The following VGLL4 variants were observed in gnomAD, a reference collection of about 807,000 sequenced individuals.
VGLL4 encodes the protein transcription cofactor vestigial-like protein 4.
VGLL4 carries 7 observed loss-of-function variants against 21.0 expected under a neutral mutation model. The observed-to-expected ratio is 0.33, with a 90% confidence interval of 0.19 to 0.63. The LOEUF (loss-of-function observed/expected upper bound fraction) is 0.63. VGLL4 is among the 20% of genes least tolerant of loss of function. VGLL4 has a pLI of 0.78. For synonymous variants in VGLL4, 222 were observed against 173.2 expected, an observed-to-expected ratio of 1.28 and a Z score of -2.21; for missense variants, 394 against 425.7, an observed-to-expected ratio of 0.93 and a Z score of 0.66.
At chr3:11,629,417 A>T (rs577561167) in intron 1 of VGLL4, among the ~76,000 whole-genome samples, 1 of 152,044 alleles carries the variant, frequency 6.6e-6, no homozygotes, top group Admixed American at 6.6e-5. Context: ...TCCAGGTAAA[A>T]TTTCATAAAA....
At chr3:11,605,974 T>A (rs1559895495) in intron 1 of VGLL4, among the ~76,000 whole-genome samples, 1 of 152,230 alleles carries the variant, frequency 6.6e-6, no homozygotes, top group Non-Finnish European at 1.5e-5. Flanking sequence ...GGAAAGATGT[T>A]GTATTAGTCT....
In VGLL4 at chr3:11,653,975, C is replaced by A. The variant is rs1354780107; in HGVS notation, c.64+48996G>T. 2.0e-5 allele frequency among the ~76,000 whole-genome samples: 3 copies of A among 152,158 alleles called. No individual in the cohort carries two copies. Among genetic ancestry groups the A allele is most frequent in the East Asian group, 3.8e-4 (2 of 5,202 alleles). On this transcript the variant is annotated intron_variant, in intron 2 of 5. Transcript: ENST00000273038. This position sits in a 1 kb window ranked among gnomAD's most constrained non-coding sequence, Gnocchi z 4.2. Reference sequence around the variant, plus strand: ...TCAACCAAGGAGATTCTGCCCTCCTCAGGAGACATCTGGCAATGTCTGGTT... The same window carrying A: ...TCAACCAAGGAGATTCTGCCCTCCTAAGGAGACATCTGGCAATGTCTGGTT...
intron 2 of VGLL4, among the ~76,000 whole-genome samples, chr3:11,592,179 C>A (rs2074516411): frequency 6.6e-6 from 1 of 152,240 alleles, no homozygotes. Context: ...AAACACATGT[C>A]TTCAAATACT....
chr3:11,651,498 C>A (rs1031631781), intron 2 of VGLL4, among the ~76,000 whole-genome samples: 1 of 151,392 alleles, frequency 6.6e-6, no homozygotes, highest in Non-Finnish European at 1.5e-5. Flanking sequence ...ACCAACCCCC[C>A]GCCCCCACCA....
intron 2 of VGLL4, chr3:11,671,405 C>T (rs1275346839): frequency 1.2e-6 from 1 of 825,212 alleles, no homozygotes; most frequent in Non-Finnish European, 2.1e-6. Flanking sequence ...CTGTGGGCCA[C>T]ATGTAAGTAA....
At chr3:11,572,736 A>G (rs563495694) in intron 2 of VGLL4, among the ~76,000 whole-genome samples, 1 of 152,142 alleles carries the variant, frequency 6.6e-6, no homozygotes, top group African/African-American at 2.4e-5. Flanking sequence ...AGCTCTACCC[A>G]TGTTCCAACA....
intron 2 of VGLL4, among the ~76,000 whole-genome samples, chr3:11,572,779 C>T (rs2073827021): frequency 6.6e-6 from 1 of 152,192 alleles, no homozygotes; most frequent in Non-Finnish European, 1.5e-5. Context: ...TATTTGCCTG[C>T]TCTGTGGTAT....
At chr3:11,578,347 C>T (rs907300783) in intron 2 of VGLL4, among the ~76,000 whole-genome samples, 4 of 152,152 alleles carry the variant, frequency 2.6e-5, no homozygotes, top group African/African-American at 7.2e-5. Flanking sequence ...TTCCTTTCTG[C>T]GTCACGTGGT....
At chr3:11,655,333 T>A (rs1251963975) in intron 2 of VGLL4, among the ~76,000 whole-genome samples, 1 of 152,140 alleles carries the variant, frequency 6.6e-6, no homozygotes, top group African/African-American at 2.4e-5. Flanking sequence ...CCTGGCTGCT[T>A]TTCATACCCA....
At chr3:11,670,668 C>T (rs1290955719) in intron 2 of VGLL4, among the ~76,000 whole-genome samples, 1 of 152,062 alleles carries the variant, frequency 6.6e-6, no homozygotes, top group African/African-American at 2.4e-5. Context: ...TACTGACTTC[C>T]CATACTGTCT....
chr3:11,673,174 C>T (rs939323859), intron 2 of VGLL4, among the ~76,000 whole-genome samples: 8 of 152,034 alleles, frequency 5.3e-5, no homozygotes, highest in Non-Finnish European at 8.8e-5. Context: ...AAGCTACTAA[C>T]GTGGAAGATA....
upstream of VGLL4, among the ~76,000 whole-genome samples, chr3:11,644,571 G>T (rs991560949): frequency 3.3e-5 from 5 of 152,056 alleles, no homozygotes; most frequent in Admixed American, 3.3e-4. Flanking sequence ...TTAAAAAAAC[G>T]AGGGGGCCGG....
chr3:11,679,119 C>T (rs1192894046), intron 2 of VGLL4, among the ~76,000 whole-genome samples: 1 of 152,158 alleles, frequency 6.6e-6, no homozygotes, highest in Non-Finnish European at 1.5e-5. Context: ...GGGTACACTC[C>T]TTCTACTTAC....
chr3:11,703,460 G>T (rs924127683), intron 1 of VGLL4, among the ~76,000 whole-genome samples: 2 of 152,126 alleles, frequency 1.3e-5, no homozygotes, highest in Non-Finnish European at 2.9e-5. Context: ...CACACGCCAC[G>T]TACTCATGGA....
chr3:11,645,854 C>G (rs1248656478), upstream of VGLL4, among the ~76,000 whole-genome samples: 1 of 152,006 alleles, frequency 6.6e-6, no homozygotes, highest in Non-Finnish European at 1.5e-5. Flanking sequence ...TGTCTGTAAT[C>G]CCAGCTACTA....
intron 1 of VGLL4, among the ~76,000 whole-genome samples, chr3:11,618,163 A>G (rs977678558): frequency 1.3e-5 from 2 of 152,232 alleles, no homozygotes; most frequent in African/African-American, 4.8e-5. Flanking sequence ...ATATTAAAAT[A>G]AACCAATTCT....
Position 11,709,460 on chromosome 3 carries a change from A to C in VGLL4, c.-13-6413T>G, listed in dbSNP as rs1027217463. ...TAAAAAAAAAAAAAAAAAAAAAAAAACAGATACAAAGTACACTGTGTGCTC... is the reference window on the plus strand; with the variant it reads ...TAAAAAAAAAAAAAAAAAAAAAAAACCAGATACAAAGTACACTGTGTGCTC... On this transcript the variant is annotated intron_variant, in intron 1 of 5. Coordinates refer to the VGLL4 transcript ENST00000273038. Among the ~76,000 whole-genome samples, 17 of 149,098 alleles carry C rather than the reference A, an allele frequency of 1.1e-4. 1 individual carries two copies. The highest frequency in any genetic ancestry group is 4.3e-4 in the South Asian group (2 of 4,652).
In VGLL4 at chr3:11,682,001, T is replaced by C. The variant is rs1165895374; in HGVS notation, c.64+20970A>G. On this transcript the variant is annotated intron_variant, in intron 2 of 5. Transcript: ENST00000273038. ...TAGGCCGGGCACAGTGGCTCACACC[T>C]GTAATCCCAGCACTTTGGGAGGCCA... 3.3e-5 allele frequency among the ~76,000 whole-genome samples: 5 copies of C among 152,362 alleles called. No individual in the cohort carries two copies. In the East Asian group the frequency reaches 7.7e-4, roughly 23 times the overall value.
At chr3:11,606,936 G>T (rs1458781988) in intron 1 of VGLL4, among the ~76,000 whole-genome samples, 1 of 152,086 alleles carries the variant, frequency 6.6e-6, no homozygotes, top group Admixed American at 6.5e-5. Context: ...CACCGCGAAG[G>T]TCCCCAGCTT....
Sources: allele counts gnomAD v4.1 joint callset (sites outside exome capture counted in the v4.1 genomes callset), GRCh38; gene constraint gnomAD v4.1.1; non-coding constraint Gnocchi (gnomAD v3.1); transcripts MANE v1.5; gene names NCBI Gene and HGNC (gene_info 2026-07-23, HGNC 2026-07-21).